The following PLS3 variants were observed in gnomAD, a reference collection of about 807,000 sequenced individuals.
PLS3 encodes the protein plastin-3.
Under a neutral mutation model 46.5 loss-of-function variants are expected in PLS3, and 11 were observed. That is an observed-to-expected ratio of 0.24 (90% CI 0.15 to 0.39). The LOEUF is 0.39. Among genes scored for constraint, PLS3 ranks in the 10% least tolerant of loss-of-function variants. The pLI is 1.00. For synonymous variants in PLS3, 167 were observed against 162.2 expected (o/e 1.03, Z -0.22); for missense variants, 308 against 461.8 (o/e 0.67, Z 3.05).
chrX:115,587,398 G>A (rs1290560279), intron 1 of PLS3, among the ~76,000 whole-genome samples: 2 of 111,993 alleles, frequency 1.8e-5, no homozygotes, highest in Admixed American at 9.5e-5. Context: ...GAAAGCACTT[G>A]CGCAGCTGTT....
At chrX:115,624,288 C>A (rs2074689236) in intron 3 of PLS3, 1 of 107,623 alleles carries the variant, frequency 9.3e-6, no homozygotes, top group Middle Eastern at 4.7e-3. Context: ...GATATCGTTC[C>A]TGCCGTTTTC....
chrX:115,624,502 T>C (rs1046014135), intron 3 of PLS3: 1 of 112,071 alleles, frequency 8.9e-6, no homozygotes, highest in African/African-American at 3.2e-5. Flanking sequence ...TTAACTATGA[T>C]TGGCTGTTTT....
chrX:115,634,557 T>C (rs2074810730), intron 6 of PLS3, among the ~76,000 whole-genome samples: 1 of 111,873 alleles, frequency 8.9e-6, no homozygotes, highest in South Asian at 3.7e-4. Context: ...TTTGGAATTA[T>C]AACACTTTAC....
intron 9 of PLS3, among the ~76,000 whole-genome samples, chrX:115,641,555 T>C (rs1046934172): frequency 9.0e-6 from 1 of 110,702 alleles, no homozygotes. Context: ...GCTGCCCTTA[T>C]CAGAACTGAA....
rs782409048 is a variant in PLS3, at chrX:115,577,998, A to G, written c.-9+16738A>G. 4.5e-5 allele frequency among the ~76,000 whole-genome samples: 5 copies of G among 112,155 alleles called. No homozygotes were observed. The East Asian group carries it at 1.1e-3, about 25-fold the overall frequency. On this transcript the variant is annotated intron_variant, in intron 1 of 15. Coordinates refer to ENST00000355899, the MANE Select transcript of PLS3 (RefSeq NM_005032.7). ...AAAAATCACCGTCTTTATGAAGCTT[A>G]CATCCTACTAGGGGAGAGATAGAAA...
chrX:115,636,767 C>A, intron 7 of PLS3, 69 bp from the exon 8 acceptor site: 1 of 994,776 alleles, frequency 1.0e-6, no homozygotes, highest in Non-Finnish European at 1.4e-6. Flanking sequence ...TGTCAAAAGA[C>A]TGAATGAACT....
chrX:115,635,165 G>A (rs1166776821), intron 7 of PLS3, 119 bp downstream of exon 7: 1 of 579,774 alleles, frequency 1.7e-6, no homozygotes. Flanking sequence ...TGAACATAAG[G>A]TAATGCTATA....
chrX:115,587,091 T>C (rs1015664120), intron 1 of PLS3, among the ~76,000 whole-genome samples: 10 of 112,325 alleles, frequency 8.9e-5, no homozygotes, highest in African/African-American at 3.2e-4. Context: ...GTTTTTTCAC[T>C]GTGTTAACAT....
chrX:115,565,652 T>C (rs1422952664), intron 1 of PLS3, among the ~76,000 whole-genome samples: 2 of 112,183 alleles, frequency 1.8e-5, no homozygotes, highest in Admixed American at 9.5e-5. Context: ...ATTTCACTTA[T>C]CAGTTGACTT....
At chrX:115,606,466 G>A (rs1332027706) in intron 1 of PLS3, among the ~76,000 whole-genome samples, 1 of 110,540 alleles carries the variant, frequency 9.0e-6, no homozygotes, top group African/African-American at 3.3e-5. Context: ...GAAGTGATAT[G>A]GTAGTGTGAG....
chrX:115,603,493 G>A lies in PLS3; in HGVS notation c.-8-6750G>A, dbSNP rs193289849. On this transcript the variant is annotated intron_variant, in intron 1 of 15. Coordinates refer to ENST00000355899, the MANE Select transcript of PLS3 (RefSeq NM_005032.7). The stretch of plus-strand genomic sequence containing the variant: ...TGCAGATGAGCGAATTCAGAAAAAC[G>A]TAGAGACTCCAGGAGGTTTTATTTT... 1.4e-4 allele frequency among the ~76,000 whole-genome samples: 16 copies of A among 111,831 alleles called. No individual in the cohort carries two copies. In the East Asian group the frequency reaches 3.9e-3, roughly 28 times the overall value.
intron 1 of PLS3, among the ~76,000 whole-genome samples, chrX:115,567,527 GTT>G (rs1338988416): frequency 9.1e-6 from 1 of 109,753 alleles, no homozygotes; most frequent in Non-Finnish European, 1.9e-5. Context: ...GGAGGCGGAG[GTT>G]ACAGTGAGCC....
chrX:115,577,247 G>A (rs1237788634), intron 1 of PLS3, among the ~76,000 whole-genome samples: 1 of 111,549 alleles, frequency 9.0e-6, no homozygotes, highest in Non-Finnish European at 1.9e-5. Flanking sequence ...AAAGCAACTT[G>A]CTTTGAGTCT....
At chrX:115,616,527 A>T (rs180777136) in intron 2 of PLS3, among the ~76,000 whole-genome samples, 28 of 112,410 alleles carry the variant, frequency 2.5e-4, no homozygotes, top group South Asian at 7.4e-4. Flanking sequence ...AGTTAGTCTT[A>T]GAAGTAGACT....
chrX:115,566,449 CG>C (rs1215600907), intron 1 of PLS3, among the ~76,000 whole-genome samples: 2 of 411 alleles, frequency 4.9e-3, no homozygotes, highest in Non-Finnish European at 0.065. Context: ...GTGCAGCGGC[CG>C]TGATCTCGGC....
At chrX:115,648,227 G>T (rs1422599728) in intron 15 of PLS3, among the ~76,000 whole-genome samples, 2 of 111,657 alleles carry the variant, frequency 1.8e-5, no homozygotes, top group African/African-American at 3.3e-5. Context: ...GCCTAGCCTT[G>T]TGCTTGGCCT....
chrX:115,588,304 A>C, intron 1 of PLS3, among the ~76,000 whole-genome samples: 1 of 111,931 alleles, frequency 8.9e-6, no homozygotes, highest in Middle Eastern at 4.6e-3. Context: ...TTTTTACAAC[A>C]GTTTATCTGT....
chrX:115,590,843 GAAAC>G (rs1253689734), intron 1 of PLS3, among the ~76,000 whole-genome samples: 1 of 107,914 alleles, frequency 9.3e-6, no homozygotes, highest in Non-Finnish European at 1.9e-5. Flanking sequence ...ATAAATAAAA[GAAAC>G]AAAAAACTGG....
At chrX:115,589,558 GA>G (rs782420083) in intron 1 of PLS3, among the ~76,000 whole-genome samples, 20 of 110,954 alleles carry the variant, frequency 1.8e-4, no homozygotes, top group East Asian at 8.5e-4. Flanking sequence ...CATGAAGATG[GA>G]AAAAAAACTG....
Sources: gnomAD v4.1 joint callset for allele counts (sites outside exome capture counted in the v4.1 genomes callset) on GRCh38, gnomAD v4.1.1 for gene constraint, MANE v1.5 for transcripts, NCBI Gene and HGNC (gene_info 2026-07-23, HGNC 2026-07-21) for gene names.